XRN1: variants seen among roughly 807,000 people sequenced by gnomAD.
XRN1 encodes strand-exchange protein 1 homolog.
A neutral mutation model predicts 222.3 loss-of-function variants in XRN1; 67 were observed. That is an observed-to-expected ratio of 0.30 (90% CI 0.25 to 0.37). The LOEUF (loss-of-function observed/expected upper bound fraction) is 0.37, where lower values mean the gene tolerates loss of function less well. Among genes scored for constraint, XRN1 ranks in the 10% least tolerant of loss-of-function variants. The pLI, the probability that XRN1 is intolerant of heterozygous loss-of-function variation, is 1.00. For missense variants in XRN1, 1,707 were observed against 2,000.2 expected (o/e 0.85, Z 2.80); for synonymous variants, 643 against 652.4 (o/e 0.99, Z 0.22).
At chr3:142,358,266 GA>G (rs1484789987) in intron 30 of XRN1, among the ~76,000 whole-genome samples, 1 of 152,176 alleles carries the variant, frequency 6.6e-6, no homozygotes, top group African/African-American at 2.4e-5. Flanking sequence ...CCTGTACCTG[GA>G]AAGGCTTAAG....
At chr3:142,438,819 T>C (rs913841052) in intron 1 of XRN1, among the ~76,000 whole-genome samples, 5 of 152,170 alleles carry the variant, frequency 3.3e-5, no homozygotes, top group East Asian at 3.9e-4. Flanking sequence ...GTGCAAACTT[T>C]CTTTTCATTA....
intron 25 of XRN1, among the ~76,000 whole-genome samples, chr3:142,374,364 C>T (rs958158734): frequency 2.0e-5 from 3 of 152,108 alleles, no homozygotes; most frequent in Non-Finnish European, 1.5e-5. Context: ...TGAGCAATCA[C>T]CTGATCTGTC....
intron 33 of XRN1, among the ~76,000 whole-genome samples, chr3:142,342,904 A>C (rs1195019804): frequency 6.6e-6 from 1 of 152,168 alleles, no homozygotes; most frequent in Non-Finnish European, 1.5e-5. Flanking sequence ...CAGGCAACCA[A>C]AGCAAAAATA....
At chr3:142,355,250 A>AT (rs1225519899) in intron 32 of XRN1, 151 bp downstream of exon 32, 3 of 409,398 alleles carry the variant, frequency 7.3e-6, no homozygotes, top group Non-Finnish European at 1.2e-5. Flanking sequence ...AGTTGAAATT[A>AT]TTTAAAAAAA....
intron 33 of XRN1, among the ~76,000 whole-genome samples, chr3:142,342,553 C>T (rs1470408653): frequency 6.6e-6 from 1 of 152,132 alleles, no homozygotes; most frequent in Non-Finnish European, 1.5e-5. Flanking sequence ...TACTACAGAA[C>T]TATGGTAATG....
Position 142,414,295 on chromosome 3 carries a change from T to G in XRN1, c.1437-4A>C. 6.4e-7 allele frequency: 1 copy of G among 1,559,400 alleles called. No homozygotes were observed. The highest frequency in any genetic ancestry group is 8.7e-7 in the Non-Finnish European group (1 of 1,152,666). On this transcript the variant is annotated splice_polypyrimidine_tract_variant and splice_region_variant and intron_variant, in intron 13 of 40. Coordinates refer to ENST00000392981, the MANE Select transcript of XRN1 (RefSeq NM_001282857.2). ...TGCATAATGATAAGGATAATACCTATAAAACAAAACTGAGTTTTAAACAAG... is the reference window on the plus strand; with the variant it reads ...TGCATAATGATAAGGATAATACCTAGAAAACAAAACTGAGTTTTAAACAAG...
chr3:142,393,506 G>C (rs1405002159), intron 20 of XRN1, among the ~76,000 whole-genome samples: 1 of 150,068 alleles, frequency 6.7e-6, no homozygotes, highest in Non-Finnish European at 1.5e-5. Context: ...TTTTGTATAA[G>C]GTGTAAGGAA....
Position 142,425,447 on chromosome 3 carries a change from G to T in XRN1, c.498C>A (p.Ile166=). The change falls in exon 4 of 41, where the codon ATC becomes ATA. Residue 166 remains isoleucine (I), a synonymous_variant. Transcript: ENST00000392981. ...STDKSWQGVT[I]YFSGHETPGE... is the part of the protein sequence containing the mutation. ...TAATAACCTCATGGCCTGAGAAGTA[G>T]ATGGTAACTCCTTGCCATGACTTGT... The T allele has an allele frequency of 6.2e-7, 1 of 1,612,390 alleles. No individual in the cohort carries two copies. Among genetic ancestry groups the T allele is most frequent in the Non-Finnish European group, 8.5e-7 (1 of 1,179,036 alleles).
chr3:142,375,405 CA>C (rs990964480), intron 25 of XRN1, among the ~76,000 whole-genome samples: 5 of 152,032 alleles, frequency 3.3e-5, no homozygotes, highest in Non-Finnish European at 5.9e-5. Flanking sequence ...CAATAAAATT[CA>C]ATAATTCTAA....
At chr3:142,405,908 A>T (rs536713709) in intron 15 of XRN1, among the ~76,000 whole-genome samples, 72 of 152,326 alleles carry the variant, frequency 4.7e-4, no homozygotes, top group Non-Finnish European at 7.9e-4. Flanking sequence ...TTATTTAAGG[A>T]AGACAGAAAA....
intron 37 of XRN1, among the ~76,000 whole-genome samples, chr3:142,328,509 A>T (rs1332706882): frequency 6.6e-6 from 1 of 151,026 alleles, no homozygotes; most frequent in Non-Finnish European, 1.5e-5. Flanking sequence ...TACTTGATTG[A>T]ATTTTAATCT....
chr3:142,448,024 G>T lies in XRN1; in HGVS notation c.-80C>A, dbSNP rs1187827605. On this transcript the variant is annotated 5_prime_UTR_variant, in exon 1 of 41. Transcript: ENST00000392981. ...CGGGGCTCCGCCGCAGCCTCCGGTC[G>T]TCGCTCCGCGGATGACAACACACCG... The T allele has an allele frequency of 5.5e-6, 8 of 1,466,216 alleles. No individual in the cohort carries two copies. In the Admixed American group the frequency reaches 1.4e-4, roughly 25 times the overall value. 90.8% of individuals were successfully genotyped at this position (1,466,216 alleles called of 1,614,324 possible).
chr3:142,341,950 G>A (rs1266444354), intron 33 of XRN1, among the ~76,000 whole-genome samples: 8 of 152,286 alleles, frequency 5.3e-5, no homozygotes, highest in Middle Eastern at 3.4e-3. Context: ...TATTACTGGA[G>A]CTAAAGAAAG....
chr3:142,322,528 A>C (rs955798146), intron 37 of XRN1, among the ~76,000 whole-genome samples: 1 of 152,008 alleles, frequency 6.6e-6, no homozygotes, highest in African/African-American at 2.4e-5. Flanking sequence ...TCTACTAAAA[A>C]TACAAAAATT....
intron 2 of XRN1, among the ~76,000 whole-genome samples, chr3:142,431,917 TATATA>T (rs1238018723): frequency 1.5e-4 from 13 of 88,220 alleles, no homozygotes; most frequent in East Asian, 2.7e-4. Flanking sequence ...TATATAAATA[TATATA>T]ATATAATATA....
At chr3:142,441,386 C>T (rs2070206382) in intron 1 of XRN1, among the ~76,000 whole-genome samples, 1 of 152,228 alleles carries the variant, frequency 6.6e-6, no homozygotes, top group Admixed American at 6.5e-5. Flanking sequence ...AAGGCCCTAA[C>T]CCAAGCCCCA....
At chr3:142,381,786 C>G (rs545260765) in intron 22 of XRN1, among the ~76,000 whole-genome samples, 2 of 151,954 alleles carry the variant, frequency 1.3e-5, no homozygotes, top group Non-Finnish European at 2.9e-5. Context: ...AGCCTGGTCT[C>G]GAACTCCTGG....
At position 142,307,212 on chromosome 3, in the gene XRN1, T is replaced by C. The variant is rs572961722; in HGVS notation, c.*4299A>G. On this transcript the variant is annotated 3_prime_UTR_variant, in exon 41 of 41. Transcript: ENST00000392981. ...AAGAAAGGAAGAGAGAACTTAAAGC[T>C]AACTATGGACCAAATTCTCATTCTT... The C allele has an allele frequency of 5.3e-5, 8 of 152,132 alleles. No individual in the cohort carries two copies. Among genetic ancestry groups the C allele is most frequent in the Non-Finnish European group, 8.8e-5 (6 of 68,018 alleles). 9.4% of individuals were successfully genotyped at this position (152,132 alleles called of 1,614,324 possible).
chr3:142,345,474 A>G (rs2066118995), intron 33 of XRN1, among the ~76,000 whole-genome samples: 1 of 152,212 alleles, frequency 6.6e-6, no homozygotes, highest in Non-Finnish European at 1.5e-5. Flanking sequence ...ACTCTTTGTG[A>G]CTTTGGATTA....
Sources: gnomAD v4.1 joint callset for allele counts (sites outside exome capture counted in the v4.1 genomes callset) on GRCh38, gnomAD v4.1.1 for gene constraint, MANE v1.5 for transcripts, NCBI Gene and HGNC (gene_info 2026-07-23, HGNC 2026-07-21) for gene names.